Variants in PTPRG observed in about 807,000 individuals in gnomAD.
PTPRG encodes protein tyrosine phosphatase receptor type G.
A neutral mutation model predicts 165.3 loss-of-function variants in PTPRG; 102 were observed. That is an observed-to-expected ratio of 0.62 (90% CI 0.53 to 0.73). The LOEUF (loss-of-function observed/expected upper bound fraction) is 0.73, where lower values mean the gene tolerates loss of function less well. PTPRG is among the 30% of genes least tolerant of loss of function. PTPRG has a pLI of 0.00. For synonymous variants in PTPRG, 675 were observed against 669.5 expected (o/e 1.01, Z -0.13); for missense variants, 1,866 against 1,861.4 (o/e 1.00, Z -0.05).
intron 2 of PTPRG, among the ~76,000 whole-genome samples, chr3:61,893,962 A>T (rs1289686276): frequency 2.0e-5 from 3 of 152,106 alleles, no homozygotes; most frequent in Non-Finnish European, 4.4e-5. Flanking sequence ...TTTGGGACTG[A>T]TAGAGAAGCT....
chr3:62,210,305 T>G lies in PTPRG; in HGVS notation c.2155+6355T>G, dbSNP rs1469894252. Among the ~76,000 whole-genome samples, 1 of 152,200 alleles carries G rather than the reference T, an allele frequency of 6.6e-6. No homozygotes were observed. Among genetic ancestry groups the G allele is most frequent in the Non-Finnish European group, 1.5e-5 (1 of 68,024 alleles). ...ACAATCATTTCTCTGCAGCAGTGGT[T>G]TGGGTAACGTCAGGGCTCCAGAAAA... On this transcript the variant is annotated intron_variant, in intron 12 of 29. Coordinates refer to ENST00000474889, the MANE Select transcript of PTPRG (RefSeq NM_002841.4). This position sits in a 1 kb window ranked among gnomAD's most constrained non-coding sequence, Gnocchi z 4.1.
rs78164409 is a variant in PTPRG, at chr3:62,041,544, C to A, written c.520-36619C>A. Reference sequence around the variant, plus strand: ...AACCTCTGCCTTCACATACAACCTTCCACTCCTAATTCTGAATTTTAGATT... The same window carrying A: ...AACCTCTGCCTTCACATACAACCTTACACTCCTAATTCTGAATTTTAGATT... On this transcript the variant is annotated intron_variant, in intron 4 of 29. Coordinates refer to ENST00000474889, the MANE Select transcript of PTPRG (RefSeq NM_002841.4). Among the ~76,000 whole-genome samples, 128 of 152,244 alleles carry A rather than the reference C, an allele frequency of 8.4e-4. No homozygotes were observed. In the East Asian group the frequency reaches 0.019, roughly 22 times the overall value.
At chr3:62,116,615 C>A (rs1702878410) in intron 5 of PTPRG, among the ~76,000 whole-genome samples, 1 of 152,122 alleles carries the variant, frequency 6.6e-6, no homozygotes, top group South Asian at 2.1e-4. Context: ...GGGCTATCAA[C>A]TGGAGGGTCT....
chr3:61,915,804 A>G (rs1450214461), intron 2 of PTPRG, among the ~76,000 whole-genome samples: 2 of 152,230 alleles, frequency 1.3e-5, no homozygotes, highest in African/African-American at 4.8e-5. Context: ...GCAAAGCATC[A>G]TAATATCACT....
chr3:61,941,803 T>C (rs914024387), intron 2 of PTPRG, among the ~76,000 whole-genome samples: 2 of 152,184 alleles, frequency 1.3e-5, no homozygotes, highest in African/African-American at 4.8e-5. Flanking sequence ...ATGCTTTGTT[T>C]ATAAAGAAAT....
At chr3:61,622,117 C>A (rs57996122) in intron 1 of PTPRG, among the ~76,000 whole-genome samples, 2 of 152,120 alleles carry the variant, frequency 1.3e-5, no homozygotes, top group African/African-American at 4.8e-5. Context: ...CTTTTCCCGC[C>A]TAAGTTAACT....
chr3:61,661,619 T>C (rs986382235), intron 1 of PTPRG, among the ~76,000 whole-genome samples: 1 of 152,254 alleles, frequency 6.6e-6, no homozygotes, highest in African/African-American at 2.4e-5. Context: ...CATTTTTGTA[T>C]ATAAATTCTA....
chr3:61,651,212 A>G (rs1223253405), intron 1 of PTPRG, among the ~76,000 whole-genome samples: 3 of 152,104 alleles, frequency 2.0e-5, no homozygotes, highest in Admixed American at 2.0e-4. Flanking sequence ...TAAAAATCCC[A>G]AAATACTTAA....
At chr3:61,883,349 T>C (rs1300383946) in intron 2 of PTPRG, among the ~76,000 whole-genome samples, 1 of 152,162 alleles carries the variant, frequency 6.6e-6, no homozygotes, top group Admixed American at 6.5e-5. Flanking sequence ...TGTTTCTGTG[T>C]GCCCTTCCCT....
At chr3:62,156,660 ATAAT>A (rs1427503812) in intron 6 of PTPRG, among the ~76,000 whole-genome samples, 10 of 152,206 alleles carry the variant, frequency 6.6e-5, no homozygotes, top group Non-Finnish European at 1.3e-4. Flanking sequence ...CTGTTCATAG[ATAAT>A]TAGAGAAGAG....
Position 62,025,182 on chromosome 3 carries a change from T to G in PTPRG, c.519+21685T>G, listed in dbSNP as rs570648985. On this transcript the variant is annotated intron_variant, in intron 4 of 29. Transcript: ENST00000474889. The stretch of plus-strand genomic sequence containing the variant: ...TTTTTAATATGTGGTGTCTTAGCTG[T>G]CACTACCCACCTCAGTGCTTAAGAA... Among the ~76,000 whole-genome samples, 3 of 152,314 alleles carry G rather than the reference T, an allele frequency of 2.0e-5. No homozygotes were observed. The South Asian group carries it at 6.2e-4, about 32-fold the overall frequency.
intron 1 of PTPRG, among the ~76,000 whole-genome samples, chr3:61,608,355 A>G (rs1159405189): frequency 6.6e-6 from 1 of 152,224 alleles, no homozygotes; most frequent in Non-Finnish European, 1.5e-5. Flanking sequence ...CACAGCCATC[A>G]TTAAGGATTG....
chr3:61,742,674 CA>C (rs1300110708), intron 1 of PTPRG: 2 of 1,605,234 alleles, frequency 1.2e-6, no homozygotes, highest in Admixed American at 3.3e-5. Flanking sequence ...CCACTTTGGC[CA>C]CCATGTTTTC....
intron 2 of PTPRG, among the ~76,000 whole-genome samples, chr3:61,984,869 A>G (rs530970452): frequency 2.4e-4 from 37 of 152,288 alleles, no homozygotes; most frequent in African/African-American, 7.7e-4. Flanking sequence ...GTGTTTGTCA[A>G]TTATATAGAA....
chr3:61,765,706 T>C (rs887594749), intron 2 of PTPRG, among the ~76,000 whole-genome samples: 3 of 152,192 alleles, frequency 2.0e-5, no homozygotes, highest in African/African-American at 7.2e-5. Context: ...GTCAGCACCT[T>C]AATATTTGAT....
intron 5 of PTPRG, among the ~76,000 whole-genome samples, chr3:62,088,745 A>T (rs764896421): frequency 2.0e-4 from 30 of 152,250 alleles, no homozygotes; most frequent in African/African-American, 7.2e-4. Context: ...TAAAAAACTC[A>T]TAGGAAGATC....
At chr3:61,783,224 T>C (rs542563590) in intron 2 of PTPRG, among the ~76,000 whole-genome samples, 45 of 152,246 alleles carry the variant, frequency 3.0e-4, no homozygotes, top group African/African-American at 1.1e-3. Context: ...CCTATAGTCC[T>C]AGCTAATTGG....
intron 4 of PTPRG, among the ~76,000 whole-genome samples, chr3:62,022,854 G>C (rs946508171): frequency 1.3e-5 from 2 of 151,986 alleles, no homozygotes; most frequent in African/African-American, 4.8e-5. Context: ...AAAAATAAAA[G>C]CTATTATTTT....
intron 9 of PTPRG, among the ~76,000 whole-genome samples, chr3:62,194,331 A>G (rs1289059970): frequency 6.6e-6 from 1 of 152,132 alleles, no homozygotes; most frequent in Non-Finnish European, 1.5e-5. Context: ...TAATTCTCAC[A>G]AGTACCTATG....
Sources: gnomAD v4.1 joint callset for allele counts (sites outside exome capture counted in the v4.1 genomes callset) on GRCh38, gnomAD v4.1.1 for gene constraint, Gnocchi (gnomAD v3.1) non-coding constraint, MANE v1.5 for transcripts, NCBI Gene and HGNC (gene_info 2026-07-23, HGNC 2026-07-21) for gene names.